Variants in GMIP observed in about 807,000 individuals in gnomAD.
GMIP encodes GEM-interacting protein.
Under a neutral mutation model 105.3 loss-of-function variants are expected in GMIP, and 54 were observed. The ratio of observed to expected loss-of-function variants is 0.51; its 90% CI spans 0.41 to 0.64. The LOEUF is 0.64. Among genes scored for constraint, GMIP ranks in the 30% least tolerant of loss-of-function variants. GMIP has a pLI of 0.00. For missense variants in GMIP, 1,110 were observed against 1,319.4 expected, an observed-to-expected ratio of 0.84 and a Z score of 2.46; for synonymous variants, 541 against 560.8, an observed-to-expected ratio of 0.96 and a Z score of 0.50.
Position 19,634,108 on chromosome 19 carries a change from C to T in GMIP, c.2167G>A (p.Asp723Asn), listed in dbSNP as rs764442931. ...ATGGCGCTGGCTGCCCGCGGGCCGT[C>T]CGGCGGCCGCAGCAGTGTCGGCCCA... ...VFGPTLLRPP[D>N]GPRAASAIPV... The change falls in exon 19 of 21, where the codon GAC becomes AAC. Residue 723 changes from aspartate to asparagine, a missense_variant. Asp to Asn is a conservative substitution (Grantham distance 23, BLOSUM62 1). Transcript: ENST00000203556. This position sits in a 1 kb window ranked among gnomAD's most constrained non-coding sequence, Gnocchi z 6.1. 33 of 1,612,296 alleles carry T rather than the reference C, an allele frequency of 2.0e-5. No individual in the cohort carries two copies. Among genetic ancestry groups the T allele is most frequent in the Non-Finnish European group, 2.8e-5 (33 of 1,179,500 alleles).
rs2061878314 is a variant in GMIP at position 19,638,227 on chromosome 19, G to C, written c.721C>G (p.Gln241Glu). The C allele has an allele frequency of 1.1e-5, 17 of 1,599,964 alleles. No individual in the cohort carries two copies. The highest frequency in any genetic ancestry group is 3.3e-4 in the Middle Eastern group (2 of 6,010). Residue 241 changes from glutamine to glutamate, a missense_variant, in exon 9 of 21, where the codon CAG (glutamine) becomes GAG (glutamate). By Grantham distance (29) the Gln-to-Glu change is conservative. Around this residue, in one of 3 missense-constraint regions of GMIP, gnomAD observed 667 missense variants for 773.2 expected, o/e 0.86. Transcript: ENST00000203556. ...SQGSPEDSAPQASPGPSKQQE... is the reference protein window; with the variant it reads ...SQGSPEDSAPEASPGPSKQQE... ...TGCTTGCTAGGTCCCGGCGAGGCCT[G>C]GGGGGCCGAGTCCTCAGGGGACCCC...
In GMIP at chr19:19,643,582, G is replaced by T. The variant is rs1458495652; in HGVS notation, c.-53C>A. 11 of 1,467,400 alleles carry T rather than the reference G, an allele frequency of 7.5e-6. No individual in the cohort carries two copies. The highest frequency in any genetic ancestry group is 1.0e-5 in the Non-Finnish European group (11 of 1,089,684). 90.9% of individuals were successfully genotyped at this position (1,467,400 alleles called of 1,614,324 possible). A position where few individuals can be genotyped will look rare whatever the true frequency, so the allele number is the denominator to read the frequency against. The stretch of plus-strand genomic sequence containing the variant: ...GACCGGGATGGGGATGGGGTCGCGC[G>T]CCGGCGGGGCCGAGCCCCGATTTCC... On this transcript the variant is annotated 5_prime_UTR_variant, in exon 1 of 21. Transcript: ENST00000203556.
Position 19,634,375 on chromosome 19 carries a change from T to G in GMIP, c.2084+132A>C. 1 of 1,006,762 alleles carries G rather than the reference T, an allele frequency of 9.9e-7. No individual in the cohort carries two copies. The highest frequency in any genetic ancestry group is 1.5e-6 in the Non-Finnish European group (1 of 669,704). 62.4% of individuals were successfully genotyped at this position (1,006,762 alleles called of 1,614,324 possible). A position where few individuals can be genotyped will look rare whatever the true frequency, so the allele number is the denominator to read the frequency against. On this transcript the variant is annotated intron_variant, in intron 18 of 20. Coordinates refer to ENST00000203556, the MANE Select transcript of GMIP (RefSeq NM_016573.4). This position sits in a 1 kb window ranked among gnomAD's most constrained non-coding sequence, Gnocchi z 6.1. Reference sequence around the variant, plus strand: ...GGTCAGTACCCAAAGTTATGAATCATGGATTAAGGTTCAGAGTTCAGAAAA... The same window carrying G: ...GGTCAGTACCCAAAGTTATGAATCAGGGATTAAGGTTCAGAGTTCAGAAAA...
chr19:19,630,358 A>G lies in GMIP; in HGVS notation c.2540-22T>C. On this transcript the variant is annotated intron_variant, in intron 20 of 20. Coordinates refer to ENST00000203556, the MANE Select transcript of GMIP (RefSeq NM_016573.4). The surrounding 1 kb of genome is among the most constrained non-coding windows in gnomAD (Gnocchi z 4.8). Reference sequence around the variant, plus strand: ...GACACTGTGTACGGGGTGGGTGGTCAGTGCAGAGCACCTCCAAGTTCTCTG... The same window carrying G: ...GACACTGTGTACGGGGTGGGTGGTCGGTGCAGAGCACCTCCAAGTTCTCTG... The G allele has an allele frequency of 6.5e-7, 1 of 1,545,414 alleles. No homozygotes were observed. The highest frequency in any genetic ancestry group is 8.7e-7 in the Non-Finnish European group (1 of 1,147,256).
At position 19,635,506 on chromosome 19, in the gene GMIP, G is replaced by A. The variant is rs747541980; in HGVS notation, c.1469C>T (p.Ala490Val). The change falls in exon 15 of 21, where the codon GCG (alanine) becomes GTG (valine). Residue 490 changes from alanine (A) to valine (V), a missense_variant. Coordinates refer to ENST00000203556, the MANE Select transcript of GMIP (RefSeq NM_016573.4). This position sits in a 1 kb window ranked among gnomAD's most constrained non-coding sequence, Gnocchi z 4.7. ...SPFGKWTLSSAAQTHQLRRLR... is the reference protein window; with the variant it reads ...SPFGKWTLSSVAQTHQLRRLR... Reference sequence around the variant, plus strand: ...TCGCCGCAGCTGGTGGGTCTGAGCCGCGCTGGACAGTGTCCACTTCCCGAA... The same window carrying A: ...TCGCCGCAGCTGGTGGGTCTGAGCCACGCTGGACAGTGTCCACTTCCCGAA... 54 of 1,612,358 alleles carry A rather than the reference G, an allele frequency of 3.3e-5. No individual in the cohort carries two copies. The highest frequency in any genetic ancestry group is 4.1e-5 in the Non-Finnish European group (48 of 1,180,018).
chr19:19,637,370 C>T lies in GMIP; in HGVS notation c.1119G>A (p.Leu373=). 10 of 1,500,944 alleles carry T rather than the reference C, an allele frequency of 6.7e-6. No homozygotes were observed. The highest frequency in any genetic ancestry group is 8.9e-6 in the Non-Finnish European group (10 of 1,129,554). The allele number at this position is 1,500,944 out of a possible 1,614,324, so 93.0% of individuals were successfully genotyped here. ...AFSFQEFLPS[L]NSSPLDIRKK... ...TCCCTGCTCCAGTGACCCACCTGTT[C>T]AAGGAGGGAAGGAACTCCTGGAAGG... Residue 373 remains leucine (L), a synonymous_variant, in exon 11 of 21, where the codon TTG becomes TTA. Coordinates refer to ENST00000203556, the MANE Select transcript of GMIP (RefSeq NM_016573.4). This position sits in a 1 kb window ranked among gnomAD's most constrained non-coding sequence, Gnocchi z 6.7.
rs777628854 is a variant in GMIP, at chr19:19,637,335, C to T, written c.1124+30G>A. ...AGCCTGGCATCGCGATTCCGGGGCT[C>T]GTTCCCGACTCCCTGCTCCAGTGAC... On this transcript the variant is annotated intron_variant, in intron 11 of 20. Transcript: ENST00000203556. This position sits in a 1 kb window ranked among gnomAD's most constrained non-coding sequence, Gnocchi z 6.7. 8 of 1,412,524 alleles carry T rather than the reference C, an allele frequency of 5.7e-6. No homozygotes were observed. Among genetic ancestry groups the T allele is most frequent in the Non-Finnish European group, 6.7e-6 (7 of 1,052,462 alleles). The allele number at this position is 1,412,524 out of a possible 1,614,324, so 87.5% of individuals were successfully genotyped here.
Position 19,634,769 on chromosome 19 carries a change from C to G in GMIP, c.1887+23G>C. ...CTGTGGAGGGCTCCTGCCCGCGTCC[C>G]CCTCAGTGTCCTGAGCACCAACCTC... On this transcript the variant is annotated intron_variant, in intron 17 of 20. Coordinates refer to ENST00000203556, the MANE Select transcript of GMIP (RefSeq NM_016573.4). This position sits in a 1 kb window ranked among gnomAD's most constrained non-coding sequence, Gnocchi z 6.1. The G allele has an allele frequency of 6.2e-7, 1 of 1,612,792 alleles. No homozygotes were observed.
intron 4 of GMIP, among the ~76,000 whole-genome samples, chr19:19,641,396 T>C (rs2061917988): frequency 6.6e-6 from 1 of 152,172 alleles, no homozygotes; most frequent in East Asian, 1.9e-4. Context: ...TTTGATTTTT[T>C]TGGACATGGT....
Position 19,643,494 on chromosome 19 carries a change from G to A in GMIP, c.19+17C>T. 1 of 1,544,846 alleles carries A rather than the reference G, an allele frequency of 6.5e-7. No homozygotes were observed. The highest frequency in any genetic ancestry group is 8.7e-7 in the Non-Finnish European group (1 of 1,142,858). ...GGATGGTCGGGGGAGGCCCCTCCCG[G>A]ATCCCCGACCCCCTACCCGGCTCTG... On this transcript the variant is annotated intron_variant, in intron 1 of 20. Coordinates refer to ENST00000203556, the MANE Select transcript of GMIP (RefSeq NM_016573.4).
chr19:19,636,903 C>T lies in GMIP; in HGVS notation c.1237+14G>A. 1 of 1,564,486 alleles carries T rather than the reference C, an allele frequency of 6.4e-7. No individual in the cohort carries two copies. Among genetic ancestry groups the T allele is most frequent in the Non-Finnish European group, 8.7e-7 (1 of 1,149,710 alleles). Reference sequence around the variant, plus strand: ...CTCCTGGCACCACTCCCACCTGGCCCTCATTGCACTCACCTTGCCAGCGCC... The same window carrying T: ...CTCCTGGCACCACTCCCACCTGGCCTTCATTGCACTCACCTTGCCAGCGCC... On this transcript the variant is annotated intron_variant, in intron 12 of 20. Coordinates refer to ENST00000203556, the MANE Select transcript of GMIP (RefSeq NM_016573.4).
In GMIP at chr19:19,631,655, C is replaced by CT. The variant is rs1599400588; in HGVS notation, c.2473-1119dup. Among the ~76,000 whole-genome samples, 3 of 152,316 alleles carry CT rather than the reference C, an allele frequency of 2.0e-5. No individual in the cohort carries two copies. In the East Asian group the frequency reaches 5.8e-4, roughly 29 times the overall value. On this transcript the variant is annotated intron_variant, in intron 19 of 20. Transcript: ENST00000203556. ...GTGCTGCTATCTTCCTGGTTCACAGCTGAGCTCTGGATCCAGACTGGTGAC... is the reference window on the plus strand; with the variant it reads ...GTGCTGCTATCTTCCTGGTTCACAGCTTGAGCTCTGGATCCAGACTGGTGAC...
Position 19,640,554 on chromosome 19 carries a change from G to T in GMIP, c.256C>A (p.Arg86=), listed in dbSNP as rs371984669. Residue 86 remains arginine (R), a synonymous_variant, in exon 5 of 21, where the codon CGG becomes AGG. Transcript: ENST00000203556. ...VPLTGEELDL[R]LIRTKGGVDA... Reference sequence around the variant, plus strand: ...ACACCCCCCTTTGTCCGAATGAGCCGCAAGTCCAGTTCCTCCCCTGGGGAA... The same window carrying T: ...ACACCCCCCTTTGTCCGAATGAGCCTCAAGTCCAGTTCCTCCCCTGGGGAA... 1.2e-6 allele frequency: 2 copies of T among 1,613,872 alleles called. No homozygotes were observed. The highest frequency in any genetic ancestry group is 1.7e-6 in the Non-Finnish European group (2 of 1,179,960).
chr19:19,641,927 G>T (rs780225853), intron 3 of GMIP, 49 bp downstream of exon 3: 12 of 1,598,016 alleles, frequency 7.5e-6, no homozygotes, highest in African/African-American at 1.3e-5. Context: ...CCTTCCTAAG[G>T]CCCCCTCTGC....
rs2061869776 is a variant in GMIP, at chr19:19,637,626, C to G, written c.928-65G>C. ...TGGGAGCCTGGGGGCAGGGCCAGAG[C>G]TGGGGCGGGGCTTGAGAGACGCGAA... On this transcript the variant is annotated intron_variant, in intron 10 of 20. Transcript: ENST00000203556. This position sits in a 1 kb window ranked among gnomAD's most constrained non-coding sequence, Gnocchi z 6.7. 4 of 1,301,660 alleles carry G rather than the reference C, an allele frequency of 3.1e-6. No individual in the cohort carries two copies. In the African/African-American group the frequency reaches 6.1e-5, roughly 20 times the overall value. The allele number at this position is 1,301,660 out of a possible 1,614,324, so 80.6% of individuals were successfully genotyped here. A position where few individuals can be genotyped will look rare whatever the true frequency, so the allele number is the denominator to read the frequency against.
At position 19,629,960 on chromosome 19, in the gene GMIP, T is replaced by A. The variant is rs2061774909; in HGVS notation, c.*3A>T. ...CTCTTCCTTATTTAAGGTGCCAGGG[T>A]GGTCAGAGATGGTCCTCGGCTTCCT... On this transcript the variant is annotated 3_prime_UTR_variant, in exon 21 of 21. Transcript: ENST00000203556. 1 of 1,606,350 alleles carries A rather than the reference T, an allele frequency of 6.2e-7. No individual in the cohort carries two copies. Among genetic ancestry groups the A allele is most frequent in the East Asian group, 2.2e-5 (1 of 44,688 alleles).
In GMIP at chr19:19,634,666, G is replaced by A. The variant is rs142686681; in HGVS notation, c.1925C>T (p.Ala642Val). The change falls in exon 18 of 21, where the codon GCC becomes GTC. Residue 642 changes from alanine to valine, a missense_variant. This residue lies in a region of GMIP where 394 missense variants were observed against 450.5 expected (regional missense o/e 0.87). Transcript: ENST00000203556. This position sits in a 1 kb window ranked among gnomAD's most constrained non-coding sequence, Gnocchi z 6.1. ...EPVIPFHLYD[A>V]FISLAKTLHA... ...CAAGGTCTTAGCCAGAGAGATGAAG[G>A]CGTCGTAGAGGTGGAAGGGGATCAC... The A allele has an allele frequency of 1.5e-4, 234 of 1,612,066 alleles. No homozygotes were observed. The highest frequency in any genetic ancestry group is 1.6e-4 in the Middle Eastern group (1 of 6,062).
At chr19:19,633,369 T>C (rs1038135223) in intron 19 of GMIP, among the ~76,000 whole-genome samples, 2 of 152,192 alleles carry the variant, frequency 1.3e-5, no homozygotes, top group Admixed American at 1.3e-4. Context: ...TTACTCTACC[T>C]TTTCATGATC....
At chr19:19,639,811 T>C (rs998510133) in intron 7 of GMIP, among the ~76,000 whole-genome samples, 2 of 152,146 alleles carry the variant, frequency 1.3e-5, no homozygotes, top group Non-Finnish European at 2.9e-5. Context: ...ATCGCACCAT[T>C]GCACCCCAGC....
Sources: allele counts gnomAD v4.1 joint callset (sites outside exome capture counted in the v4.1 genomes callset), GRCh38; gene constraint gnomAD v4.1.1; regional missense constraint gnomAD v4.1.1; non-coding constraint Gnocchi (gnomAD v3.1); transcripts MANE v1.5; gene names NCBI Gene and HGNC (gene_info 2026-07-23, HGNC 2026-07-21).